PAX1: variants seen among roughly 807,000 people sequenced by gnomAD.
PAX1 encodes paired box protein Pax-1.
In PAX1, 18 loss-of-function variants were observed where a neutral mutation model predicts 35.6. That is an observed-to-expected ratio of 0.50 (90% CI 0.35 to 0.75). PAX1 has a LOEUF of 0.75. Among genes scored for constraint, PAX1 ranks in the 30% least tolerant of loss-of-function variants. The probability of loss-of-function intolerance (pLI) is 0.01; values close to 1 mark genes in which losing one functional copy is unlikely to be tolerated. For synonymous variants in PAX1, 397 were observed against 305.2 expected (o/e 1.30, Z -3.14); for missense variants, 760 against 661.5 (o/e 1.15, Z -1.63).
At chr20:21,708,289 G>T in intron 2 of PAX1, 2 of 583,648 alleles carry the variant, frequency 3.4e-6, no homozygotes, top group Non-Finnish European at 6.2e-6. Context: ...GGCCGAGTCT[G>T]CCCAGGCTTT....
chr20:21,715,518 G>A lies in PAX1; in HGVS notation c.*956G>A, dbSNP rs1481191167. 1 of 152,332 alleles carries A rather than the reference G, an allele frequency of 6.6e-6. No homozygotes were observed. The highest frequency in any genetic ancestry group is 1.5e-5 in the Non-Finnish European group (1 of 68,236). 9.4% of individuals were successfully genotyped at this position (152,332 alleles called of 1,614,324 possible). On this transcript the variant is annotated 3_prime_UTR_variant, in exon 5 of 5. Transcript: ENST00000613128. ...TCTGAGATGATGTCACCCCAAAGAA[G>A]ACTGGGGTAGGAGTAGGGAGCACAG... is the stretch of plus-strand genomic sequence containing the variant.
At chr20:21,708,765 A>G in intron 3 of PAX1, 65 bp downstream of exon 3, 2 of 1,542,124 alleles carry the variant, frequency 1.3e-6, no homozygotes, top group Middle Eastern at 3.4e-4. Context: ...GCAAGTGGGG[A>G]AAAAGAGAGA....
At position 21,716,853 on chromosome 20, in the gene PAX1, A is replaced by G. The variant is rs1985386237; in HGVS notation, c.*2291A>G. On this transcript the variant is annotated 3_prime_UTR_variant, in exon 5 of 5. Transcript: ENST00000613128. ...TGGTGACATCCTGGACAGAATTTTC[A>G]TGCACCCATTTGTGCTGCCTGGAGA... 1 of 152,214 alleles carries G rather than the reference A, an allele frequency of 6.6e-6. No homozygotes were observed. The highest frequency in any genetic ancestry group is 2.4e-5 in the African/African-American group (1 of 41,434). 9.4% of individuals were successfully genotyped at this position (152,214 alleles called of 1,614,324 possible). A position where few individuals can be genotyped will look rare whatever the true frequency, so the allele number is the denominator to read the frequency against.
intron 4 of PAX1, 117 bp from the exon 5 acceptor site, chr20:21,714,354 A>G: frequency 1.4e-6 from 1 of 717,868 alleles, no homozygotes; most frequent in East Asian, 2.8e-5. Context: ...TCACTCTTCC[A>G]GAGCCTTCAA....
In PAX1 at chr20:21,705,941, A is replaced by C. The variant is rs1204910755; in HGVS notation, c.229A>C (p.Ser77Arg). ...AGCTCTCCCGGACTGCGCCGGGCCC[A>C]GCCCCGGCCACCCCGGCCACCCCGG... ...AQALPDCAGP[S>R]PGHPGHPGAR... The change falls in exon 1 of 5, where the codon AGC becomes CGC. Residue 77 changes from serine (S) to arginine (R), a missense_variant. Ser to Arg is a moderately radical substitution (Grantham distance 110). Around this residue, in one of 3 missense-constraint regions of PAX1, gnomAD observed 222 missense variants for 153.0 expected, o/e 1.45. Transcript: ENST00000613128. 6 of 1,483,252 alleles carry C rather than the reference A, an allele frequency of 4.0e-6. No homozygotes were observed. The Admixed American group carries it at 1.4e-4, about 35-fold the overall frequency. 91.9% of individuals were successfully genotyped at this position (1,483,252 alleles called of 1,614,324 possible).
rs1233055931 is a variant in PAX1, at chr20:21,708,650, G to A, written c.1009G>A (p.Val337Met). The change falls in exon 3 of 5, where the codon GTG becomes ATG. Residue 337 changes from valine to methionine, a missense_variant. Coordinates refer to ENST00000613128, the MANE Select transcript of PAX1 (RefSeq NM_001257096.2). ...CACGGCCTTCCCCGCCACCCCCGCAGTGAATGGGCTAGAGAAACCTGCCTT... is the reference window on the plus strand; with the variant it reads ...CACGGCCTTCCCCGCCACCCCCGCAATGAATGGGCTAGAGAAACCTGCCTT... ...NRTAFPATPAVNGLEKPALEA... is the reference protein window; with the variant it reads ...NRTAFPATPAMNGLEKPALEA... 3 of 1,613,662 alleles carry A rather than the reference G, an allele frequency of 1.9e-6. No individual in the cohort carries two copies. The highest frequency in any genetic ancestry group is 2.5e-6 in the Non-Finnish European group (3 of 1,180,044).
At position 21,708,642 on chromosome 20, in the gene PAX1, C is replaced by A; in HGVS notation, c.1001C>A (p.Thr334Asn). ...AGVNRTAFPA[T>N]PAVNGLEKPA... ...GTGAACCGCACGGCCTTCCCCGCCA[C>A]CCCCGCAGTGAATGGGCTAGAGAAA... is the stretch of plus-strand genomic sequence containing the variant. Residue 334 changes from threonine to asparagine, a missense_variant, in exon 3 of 5, where the codon ACC (threonine) becomes AAC (asparagine). This residue lies in a region of PAX1 where 490 missense variants were observed against 428.4 expected (regional missense o/e 1.14). Coordinates refer to ENST00000613128, the MANE Select transcript of PAX1 (RefSeq NM_001257096.2). 1 of 1,613,608 alleles carries A rather than the reference C, an allele frequency of 6.2e-7. No individual in the cohort carries two copies. The highest frequency in any genetic ancestry group is 8.5e-7 in the Non-Finnish European group (1 of 1,179,988).
At position 21,709,221 on chromosome 20, in the gene PAX1, G is replaced by T; in HGVS notation, c.1060-1G>T. 1 of 1,604,670 alleles carries T rather than the reference G, an allele frequency of 6.2e-7. No individual in the cohort carries two copies. ...CTGACGGTCCCTCTCTATCCCCACA[G>T]TCGGCCTCCACCCTCTCTGCCGTGG... On this transcript the variant is annotated splice_acceptor_variant, in intron 3 of 4. Transcript: ENST00000613128. LOFTEE classifies it high-confidence loss of function.
At chr20:21,709,787 T>G (rs1422977394) in intron 4 of PAX1, among the ~76,000 whole-genome samples, 2 of 152,046 alleles carry the variant, frequency 1.3e-5, no homozygotes, top group Non-Finnish European at 2.9e-5. Context: ...TCTGGGTTTC[T>G]GTTTCTCCAT....
Position 21,715,410 on chromosome 20 carries a change from C to G in PAX1, c.*848C>G, listed in dbSNP as rs1375254593. 1 of 152,992 alleles carries G rather than the reference C, an allele frequency of 6.5e-6. No homozygotes were observed. The highest frequency in any genetic ancestry group is 2.4e-5 in the African/African-American group (1 of 41,416). The allele number at this position is 152,992 out of a possible 1,614,324, so 9.5% of individuals were successfully genotyped here. On this transcript the variant is annotated 3_prime_UTR_variant, in exon 5 of 5. Coordinates refer to ENST00000613128, the MANE Select transcript of PAX1 (RefSeq NM_001257096.2). ...CCTAAAAAACCCTCCATGAACTGTCCTCTCCCGTCGATCCCCGCAGCATAT... is the reference window on the plus strand; with the variant it reads ...CCTAAAAAACCCTCCATGAACTGTCGTCTCCCGTCGATCCCCGCAGCATAT...
In PAX1 at chr20:21,707,075, G is replaced by A; in HGVS notation, c.916+8G>A. On this transcript the variant is annotated splice_region_variant and intron_variant, in intron 2 of 4. Coordinates refer to ENST00000613128, the MANE Select transcript of PAX1 (RefSeq NM_001257096.2). ...CGTTTATGGAGCAAACAGGTCAGTT[G>A]TGGCGGCCTCCGTAGCCTTCTATTA... The A allele has an allele frequency of 1.2e-6, 2 of 1,613,044 alleles. No individual in the cohort carries two copies. The highest frequency in any genetic ancestry group is 1.7e-6 in the Non-Finnish European group (2 of 1,180,022).
chr20:21,712,107 G>A (rs565300080), intron 4 of PAX1, among the ~76,000 whole-genome samples: 46 of 152,136 alleles, frequency 3.0e-4, no homozygotes, highest in African/African-American at 1.0e-3. Context: ...CACCACACAC[G>A]CACAGTGCAA....
At position 21,714,682 on chromosome 20, in the gene PAX1, C is replaced by G; in HGVS notation, c.*120C>G. 1.2e-6 allele frequency: 2 copies of G among 1,605,578 alleles called. No homozygotes were observed. The highest frequency in any genetic ancestry group is 1.7e-6 in the Non-Finnish European group (2 of 1,179,050). ...ATCGGAGGACTCGCGGAGGAGGAAGCCAGTGCCGGCCCGCGGGGTGCACGC... is the reference window on the plus strand; with the variant it reads ...ATCGGAGGACTCGCGGAGGAGGAAGGCAGTGCCGGCCCGCGGGGTGCACGC... On this transcript the variant is annotated 3_prime_UTR_variant, in exon 5 of 5. Coordinates refer to ENST00000613128, the MANE Select transcript of PAX1 (RefSeq NM_001257096.2).
At position 21,714,943 on chromosome 20, in the gene PAX1, T is replaced by C. The variant is rs1055149543; in HGVS notation, c.*381T>C. On this transcript the variant is annotated 3_prime_UTR_variant, in exon 5 of 5. Transcript: ENST00000613128. ...TCCTTCCCCCCTCTTTCTTTCTCAC[T>C]CTCCCTCCCTTCCCTTTCTCTTTCC... is the stretch of plus-strand genomic sequence containing the variant. The C allele has an allele frequency of 2.6e-6, 2 of 758,968 alleles. No individual in the cohort carries two copies. Among genetic ancestry groups the C allele is most frequent in the Admixed American group, 4.0e-5 (2 of 49,578 alleles). 47.0% of individuals were successfully genotyped at this position (758,968 alleles called of 1,614,324 possible).
rs376036203 is a variant in PAX1, at chr20:21,717,569, G to T, written c.*3007G>T. ...AATATTGCACTTTTGCTCTTTGTTC[G>T]TATGGATCTGTGGAGGAACTGAGAG... On this transcript the variant is annotated 3_prime_UTR_variant, in exon 5 of 5. Coordinates refer to ENST00000613128, the MANE Select transcript of PAX1 (RefSeq NM_001257096.2). 2.0e-5 allele frequency: 3 copies of T among 152,272 alleles called. No homozygotes were observed. The highest frequency in any genetic ancestry group is 4.2e-4 in the South Asian group (2 of 4,806). The allele number at this position is 152,272 out of a possible 1,614,324, so 9.4% of individuals were successfully genotyped here.
At position 21,709,807 on chromosome 20, in the gene PAX1, C is replaced by G. The variant is rs558256176; in HGVS notation, c.1282+363C>G. The stretch of plus-strand genomic sequence containing the variant: ...GTTTCTGTTTCTCCATCCAGAGACA[C>G]GTCTAGCAGGCACCCTCCAGGCTCA... On this transcript the variant is annotated intron_variant, in intron 4 of 4. Transcript: ENST00000613128. Among the ~76,000 whole-genome samples the G allele has an allele frequency of 1.6e-4, 24 of 152,124 alleles. No individual in the cohort carries two copies. The East Asian group carries it at 1.7e-3, about 11-fold the overall frequency.
chr20:21,717,315 C>G lies in PAX1; in HGVS notation c.*2753C>G, dbSNP rs1388996588. The G allele has an allele frequency of 1.3e-5, 2 of 152,330 alleles. No individual in the cohort carries two copies. Among genetic ancestry groups the G allele is most frequent in the Non-Finnish European group, 2.9e-5 (2 of 68,132 alleles). 9.4% of individuals were successfully genotyped at this position (152,330 alleles called of 1,614,324 possible). On this transcript the variant is annotated 3_prime_UTR_variant, in exon 5 of 5. Coordinates refer to ENST00000613128, the MANE Select transcript of PAX1 (RefSeq NM_001257096.2). ...ATCTTAGTGAACTTGGCTTAAATCT[C>G]TGCTCCACTGTATGTGTCAGGGGAC...
chr20:21,708,599 A>G lies in PAX1; in HGVS notation c.958A>G (p.Met320Val), dbSNP rs1985092324. 2.5e-6 allele frequency: 4 copies of G among 1,613,782 alleles called. No homozygotes were observed. The South Asian group carries it at 4.4e-5, about 18-fold the overall frequency. ...CGAAGGCACCGCTTACTCTCCCAAG[A>G]TGGAAGACTGGGCCGGCGTGAACCG... ...GSEGTAYSPKMEDWAGVNRTA... is the reference protein window; with the variant it reads ...GSEGTAYSPKVEDWAGVNRTA... Residue 320 changes from methionine (M) to valine (V), a missense_variant, in exon 3 of 5, where the codon ATG becomes GTG. Physicochemically the swap from Met to Val is conservative, Grantham distance 21 (BLOSUM62 1). This residue lies in a region of PAX1 where 490 missense variants were observed against 428.4 expected (regional missense o/e 1.14). Coordinates refer to ENST00000613128, the MANE Select transcript of PAX1 (RefSeq NM_001257096.2).
In PAX1 at chr20:21,706,070, T is replaced by A; in HGVS notation, c.286+72T>A. 8.0e-7 allele frequency: 1 copy of A among 1,246,038 alleles called. No homozygotes were observed. The highest frequency in any genetic ancestry group is 1.1e-6 in the Non-Finnish European group (1 of 915,278). The allele number at this position is 1,246,038 out of a possible 1,614,324, so 77.2% of individuals were successfully genotyped here. On this transcript the variant is annotated intron_variant, in intron 1 of 4. Coordinates refer to ENST00000613128, the MANE Select transcript of PAX1 (RefSeq NM_001257096.2). The surrounding 1 kb of genome is among the most constrained non-coding windows in gnomAD (Gnocchi z 5.3). ...GTCGGGTCCGCCTGCCTCCCTTCCC[T>A]CTCGTCCGCTTTCCCTGGGCGACCC...
Sources: gnomAD v4.1 joint callset for allele counts (sites outside exome capture counted in the v4.1 genomes callset) on GRCh38, gnomAD v4.1.1 for gene constraint, gnomAD v4.1.1 regional missense constraint, Gnocchi (gnomAD v3.1) non-coding constraint, MANE v1.5 for transcripts, NCBI Gene and HGNC (gene_info 2026-07-23, HGNC 2026-07-21) for gene names.